GALNT13: variants seen among roughly 807,000 people sequenced by gnomAD.
The protein encoded by GALNT13 is UDP-GalNAc:polypeptide N-acetylgalactosaminyltransferase 13.
A neutral mutation model predicts 64.2 loss-of-function variants in GALNT13; 28 were observed. The observed-to-expected ratio is 0.44, with a 90% CI of 0.32 to 0.60. The LOEUF is 0.60. Among genes scored for constraint, GALNT13 ranks in the 20% least tolerant of loss-of-function variants. GALNT13 has a pLI of 0.05. For missense variants in GALNT13, 577 were observed against 669.8 expected, an observed-to-expected ratio of 0.86 and a Z score of 1.53; for synonymous variants, 214 against 224.6, an observed-to-expected ratio of 0.95 and a Z score of 0.42.
At chr2:153,351,454 T>G in the GALNT13 span, among the ~76,000 whole-genome samples, 1 of 152,332 alleles carries the variant, frequency 6.6e-6, no homozygotes, top group Non-Finnish European at 1.5e-5. Context: ...CTGAGGAACC[T>G]ACGTTGACAC....
At chr2:154,325,818 G>C (rs1443808482) in intron 9 of GALNT13, among the ~76,000 whole-genome samples, 23 of 151,886 alleles carry the variant, frequency 1.5e-4, no homozygotes, top group South Asian at 1.0e-3. Context: ...TTTCAATATG[G>C]TATATAACTA....
At chr2:153,401,148 A>G in the GALNT13 span, among the ~76,000 whole-genome samples, 9 of 152,164 alleles carry the variant, frequency 5.9e-5, no homozygotes, top group African/African-American at 2.2e-4. Context: ...TTGGTTTCAA[A>G]GAATATCTTT....
intron 9 of GALNT13, among the ~76,000 whole-genome samples, chr2:154,363,151 G>T (rs763153235): frequency 6.6e-6 from 1 of 151,870 alleles, no homozygotes; most frequent in Non-Finnish European, 1.5e-5. Context: ...ACTTTTTCTC[G>T]CACTGTATTA....
At chr2:153,920,640 A>G (rs1212634657) in intron 2 of GALNT13, among the ~76,000 whole-genome samples, 1 of 152,194 alleles carries the variant, frequency 6.6e-6, no homozygotes, top group Non-Finnish European at 1.5e-5. Flanking sequence ...ATGGGACCTA[A>G]TTAAACTAAA....
the GALNT13 span, among the ~76,000 whole-genome samples, chr2:153,423,243 T>G: frequency 1.1e-4 from 17 of 151,986 alleles, no homozygotes; most frequent in East Asian, 3.3e-3. Flanking sequence ...AATTTATCAC[T>G]AAGAAATTAA....
the GALNT13 span, among the ~76,000 whole-genome samples, chr2:153,403,882 C>T: frequency 6.6e-6 from 1 of 152,202 alleles, no homozygotes; most frequent in African/African-American, 2.4e-5. Context: ...CAGAAATCAC[C>T]CGTCTTCTGC....
At chr2:153,574,982 G>A in the GALNT13 span, among the ~76,000 whole-genome samples, 8 of 152,054 alleles carry the variant, frequency 5.3e-5, no homozygotes, top group Non-Finnish European at 1.0e-4. Context: ...AGTCTTCACT[G>A]CCTAGGTTTG....
intron 4 of GALNT13, among the ~76,000 whole-genome samples, chr2:154,228,036 G>A (rs955747869): frequency 6.6e-6 from 1 of 151,976 alleles, no homozygotes; most frequent in African/African-American, 2.4e-5. Flanking sequence ...TGTTAACATT[G>A]TTCTCAAACA....
intron 9 of GALNT13, among the ~76,000 whole-genome samples, chr2:154,391,013 T>G (rs1433307300): frequency 6.6e-6 from 1 of 152,192 alleles, no homozygotes; most frequent in African/African-American, 2.4e-5. Flanking sequence ...AAATATCTGT[T>G]ACCTTAATCT....
chr2:154,317,947 A>T (rs1276808661), intron 9 of GALNT13, among the ~76,000 whole-genome samples: 2 of 151,802 alleles, frequency 1.3e-5, no homozygotes, highest in African/African-American at 4.8e-5. Flanking sequence ...AAAAAAAAAA[A>T]TTATATAAGT....
the GALNT13 span, among the ~76,000 whole-genome samples, chr2:153,489,109 G>A: frequency 4.6e-5 from 7 of 152,076 alleles, no homozygotes; most frequent in East Asian, 5.8e-4. Context: ...AATAGACATC[G>A]GAGACCAGAA....
At chr2:153,268,812 TG>T in the GALNT13 span, among the ~76,000 whole-genome samples, 2 of 152,184 alleles carry the variant, frequency 1.3e-5, no homozygotes, top group African/African-American at 2.4e-5. Flanking sequence ...CACCAAGGCT[TG>T]GGGCTTGCAC....
Position 153,963,727 on chromosome 2 carries a change from C to CTGTG in GALNT13, c.142+19089_142+19090insGTGT, listed in dbSNP as rs1453388252. 1.9e-3 allele frequency among the ~76,000 whole-genome samples: 180 copies of CTGTG among 96,702 alleles called. 2 individuals are homozygous for CTGTG. The highest frequency in any genetic ancestry group is 7.2e-3 in the African/African-American group (169 of 23,466). The allele number at this position is 96,702 out of a possible 152,430, so 63.4% of individuals were successfully genotyped here. A position where few individuals can be genotyped will look rare whatever the true frequency, so the allele number is the denominator to read the frequency against. ...TGTCTCTCCGTCTCTCTCTCTCTCTCTCTCTGTGTGTGTGTGTGTGTGTGT... is the reference window on the plus strand; with the variant it reads ...TGTCTCTCCGTCTCTCTCTCTCTCTCTGTGTCTCTGTGTGTGTGTGTGTGTGTGT... On this transcript the variant is annotated intron_variant, in intron 3 of 12. Coordinates refer to ENST00000392825, the MANE Select transcript of GALNT13 (RefSeq NM_052917.4).
At chr2:153,925,546 T>C (rs1690071648) in intron 2 of GALNT13, among the ~76,000 whole-genome samples, 1 of 151,760 alleles carries the variant, frequency 6.6e-6, no homozygotes, top group Non-Finnish European at 1.5e-5. Flanking sequence ...TTGAGCTCTT[T>C]TTTGGTTCCA....
At chr2:153,777,198 A>C in the GALNT13 span, among the ~76,000 whole-genome samples, 1 of 152,094 alleles carries the variant, frequency 6.6e-6, no homozygotes, top group Non-Finnish European at 1.5e-5. Context: ...TTGAAATAAA[A>C]TCCTGCAAGT....
the GALNT13 span, among the ~76,000 whole-genome samples, chr2:153,336,738 A>T: frequency 1.3e-5 from 2 of 152,084 alleles, no homozygotes; most frequent in Non-Finnish European, 2.9e-5. Flanking sequence ...GGAAGGCATG[A>T]TTGGTTTTAA....
chr2:154,028,463 A>G (rs1341102285), intron 3 of GALNT13, among the ~76,000 whole-genome samples: 3 of 152,058 alleles, frequency 2.0e-5, no homozygotes, highest in African/African-American at 4.8e-5. Context: ...TTATTGTGCC[A>G]TCCTCTTCTT....
the GALNT13 span, among the ~76,000 whole-genome samples, chr2:153,692,018 T>C: frequency 6.6e-6 from 1 of 152,154 alleles, no homozygotes; most frequent in Non-Finnish European, 1.5e-5. Flanking sequence ...ATGTAATATG[T>C]TTATATAATG....
chr2:154,043,455 T>TATACATACAC (rs1341373277), intron 3 of GALNT13, among the ~76,000 whole-genome samples: 1,973 of 104,794 alleles, frequency 0.019, 65 homozygotes, highest in Middle Eastern at 0.077. Context: ...TATATATATA[T>TATACATACAC]ACACACATGT....
Sources: allele counts gnomAD v4.1 joint callset (sites outside exome capture counted in the v4.1 genomes callset), GRCh38; gene constraint gnomAD v4.1.1; transcripts MANE v1.5; gene names NCBI Gene and HGNC (gene_info 2026-07-23, HGNC 2026-07-21).